SORCS1: variants seen among roughly 807,000 people sequenced by gnomAD.
SORCS1 encodes sortilin related VPS10 domain containing receptor 1.
In SORCS1, 60 loss-of-function variants were observed where a neutral mutation model predicts 146.1. That is an observed-to-expected ratio of 0.41 (90% CI 0.33 to 0.51). The LOEUF (loss-of-function observed/expected upper bound fraction) is 0.51, where lower values mean the gene tolerates loss of function less well. Among genes scored for constraint, SORCS1 ranks in the 20% least tolerant of loss-of-function variants. The pLI, the probability that SORCS1 is intolerant of heterozygous loss-of-function variation, is 0.21. For synonymous variants in SORCS1, 637 were observed against 584.0 expected, an observed-to-expected ratio of 1.09 and a Z score of -1.31; for missense variants, 1,352 against 1,487.6, an observed-to-expected ratio of 0.91 and a Z score of 1.50.
At chr10:106,947,497 G>C (rs778180492) in intron 2 of SORCS1, among the ~76,000 whole-genome samples, 1 of 152,178 alleles carries the variant, frequency 6.6e-6, no homozygotes, top group Non-Finnish European at 1.5e-5. Flanking sequence ...CTGGCTGTCA[G>C]ACCATTAAGC....
chr10:106,790,883 G>T (rs1451283847), intron 3 of SORCS1, among the ~76,000 whole-genome samples: 3 of 152,118 alleles, frequency 2.0e-5, no homozygotes. Context: ...TTTAGGTATT[G>T]TGTTCACATA....
intron 9 of SORCS1, 48 bp downstream of exon 9, chr10:106,699,166 C>A: frequency 6.6e-7 from 1 of 1,508,952 alleles, no homozygotes. Context: ...TTCCATCAGC[C>A]AGCTGGGCAC....
intron 2 of SORCS1, among the ~76,000 whole-genome samples, chr10:106,876,301 A>G (rs1174780874): frequency 1.3e-5 from 2 of 152,178 alleles, no homozygotes; most frequent in Non-Finnish European, 2.9e-5. Context: ...TGTAGTTAGA[A>G]GTTATGAACT....
intron 1 of SORCS1, among the ~76,000 whole-genome samples, chr10:107,055,905 T>A (rs1438320581): frequency 6.6e-6 from 1 of 152,186 alleles, no homozygotes; most frequent in African/African-American, 2.4e-5. Flanking sequence ...CATAACTACC[T>A]TTTTTCTTCT....
chr10:106,956,749 C>T (rs1414588805), intron 1 of SORCS1, among the ~76,000 whole-genome samples, 169 bp from the exon 2 acceptor site: 3 of 152,208 alleles, frequency 2.0e-5, no homozygotes, highest in Admixed American at 6.5e-5. Flanking sequence ...TGTCTTTCTG[C>T]CTTCCACTGA....
chr10:107,029,631 T>C (rs1035640867), intron 1 of SORCS1, among the ~76,000 whole-genome samples: 6 of 152,332 alleles, frequency 3.9e-5, no homozygotes, highest in Non-Finnish European at 7.3e-5. Flanking sequence ...ATTGAAACTT[T>C]ATTTTGGTAA....
chr10:106,885,382 C>G (rs1018924374), intron 2 of SORCS1, among the ~76,000 whole-genome samples: 3 of 152,118 alleles, frequency 2.0e-5, no homozygotes, highest in African/African-American at 7.2e-5. Context: ...TCTGGTTTCT[C>G]TCCTTTTTGG....
rs115241812 is a variant in SORCS1, at chr10:106,875,368, G to A, written c.627-45695C>T. Among the ~76,000 whole-genome samples the A allele has an allele frequency of 8.0e-3, 1,219 of 152,240 alleles. 21 individuals are homozygous for A. Among genetic ancestry groups the A allele is most frequent in the African/African-American group, 0.028 (1,167 of 41,532 alleles). On this transcript the variant is annotated intron_variant, in intron 2 of 25. Coordinates refer to ENST00000263054, the MANE Select transcript of SORCS1 (RefSeq NM_052918.5). ...TTTCTTTATCCATTCGTTGGTCAGT[G>A]GGCACTTATGTTGGTTCCATGTCTT...
Position 106,577,243 on chromosome 10 carries a change from A to C in SORCS1, c.*177T>G. The C allele has an allele frequency of 6.3e-7, 1 of 1,596,504 alleles. No homozygotes were observed. The highest frequency in any genetic ancestry group is 8.6e-7 in the Non-Finnish European group (1 of 1,169,516). On this transcript the variant is annotated 3_prime_UTR_variant, in exon 26 of 26. Transcript: ENST00000263054. ...CATTCAAACATTTACATAGGTAGGG[A>C]TTTCTTTTGTGCTTTGATTCTCAGC... is the stretch of plus-strand genomic sequence containing the variant.
At chr10:106,730,029 C>A (rs41291868) in intron 6 of SORCS1, 21 bp downstream of exon 6, 34,781 of 1,612,958 alleles carry the variant, frequency 0.022, 464 homozygotes, top group Non-Finnish European at 0.026. Flanking sequence ...ATGAGTATTG[C>A]GGCAAAGTTG....
In SORCS1 at chr10:106,829,579, G is replaced by T. The variant is rs143039834; in HGVS notation, c.721C>A (p.Arg241Ser). Reference sequence around the variant, plus strand: ...GCTGAATATACATTTCTTACCTTACGCTTGTTGGTAGGACACACATAGAGA... The same window carrying T: ...GCTGAATATACATTTCTTACCTTACTCTTGTTGGTAGGACACACATAGAGA... ...SYLYVCPTNK[R>S]KIMLLTDPEI... The change falls in exon 3 of 26, where the codon CGT (arginine) becomes AGT (serine). Residue 241 changes from arginine (R) to serine (S), a missense_variant. Arg to Ser is a moderately radical substitution (Grantham distance 110, BLOSUM62 -1). Around this residue, in one of 3 missense-constraint regions of SORCS1, gnomAD observed 490 missense variants for 489.1 expected, o/e 1.00. Transcript: ENST00000263054. The T allele has an allele frequency of 6.3e-7, 1 of 1,587,450 alleles. No homozygotes were observed.
intron 2 of SORCS1, among the ~76,000 whole-genome samples, chr10:106,882,593 G>C (rs1168856875): frequency 6.6e-6 from 1 of 152,056 alleles, no homozygotes; most frequent in Admixed American, 6.6e-5. Context: ...CCCTAGTCTA[G>C]ATACTTTAGG....
intron 2 of SORCS1, among the ~76,000 whole-genome samples, chr10:106,924,284 A>G (rs1952873588): frequency 6.6e-6 from 1 of 151,944 alleles, no homozygotes; most frequent in Non-Finnish European, 1.5e-5. Context: ...CCTTTTAATT[A>G]AAAACAATTT....
In SORCS1 at chr10:107,164,143, G is replaced by A. The variant is rs891661228; in HGVS notation, c.384C>T (p.Pro128=). The A allele has an allele frequency of 1.2e-6, 2 of 1,613,110 alleles. No individual in the cohort carries two copies. The highest frequency in any genetic ancestry group is 1.3e-5 in the African/African-American group (1 of 74,890). The change falls in exon 1 of 26, where the codon CCC becomes CCT. Residue 128 remains proline, a synonymous_variant. Coordinates refer to ENST00000263054, the MANE Select transcript of SORCS1 (RefSeq NM_052918.5). This position sits in a 1 kb window ranked among gnomAD's most constrained non-coding sequence, Gnocchi z 6.8. ...GCCCTCCATCTCTTAGCACTCCCCG[G>A]GGGCTCCGACTCGCGCCCTCTCCCC... The part of the protein sequence containing the change: ...AERGEGASRS[P]RGVLRDGGQQ...
chr10:106,884,096 T>C (rs1038179722), intron 2 of SORCS1, among the ~76,000 whole-genome samples: 2 of 152,330 alleles, frequency 1.3e-5, no homozygotes, highest in African/African-American at 4.8e-5. Context: ...AAACTTACTC[T>C]GTCTTCTCTT....
chr10:106,681,876 C>T lies in SORCS1; in HGVS notation c.1561-2142G>A, dbSNP rs548450585. Among the ~76,000 whole-genome samples, 14 of 152,228 alleles carry T rather than the reference C, an allele frequency of 9.2e-5. No individual in the cohort carries two copies. In the East Asian group the frequency reaches 2.5e-3, roughly 27 times the overall value. On this transcript the variant is annotated intron_variant, in intron 10 of 25. Coordinates refer to ENST00000263054, the MANE Select transcript of SORCS1 (RefSeq NM_052918.5). Reference sequence around the variant, plus strand: ...GGCATGGTGGCTCACGCCTGTAATCCCAGCACTTCGGGAGGCCAAGGTGGG... The same window carrying T: ...GGCATGGTGGCTCACGCCTGTAATCTCAGCACTTCGGGAGGCCAAGGTGGG...
At chr10:106,629,082 C>T in intron 19 of SORCS1, 120 bp downstream of exon 19, 1 of 843,906 alleles carries the variant, frequency 1.2e-6, no homozygotes, top group Non-Finnish European at 1.8e-6. Context: ...CATTTCTTCC[C>T]CATTCCCCTT....
At chr10:106,630,155 C>T (rs975286850) in intron 18 of SORCS1, among the ~76,000 whole-genome samples, 3 of 152,308 alleles carry the variant, frequency 2.0e-5, no homozygotes, top group South Asian at 2.1e-4. Flanking sequence ...AACCTGAATA[C>T]CCCTCGTTAT....
intron 1 of SORCS1, among the ~76,000 whole-genome samples, chr10:107,089,075 T>C (rs190776198): frequency 6.6e-6 from 1 of 152,320 alleles, no homozygotes; most frequent in East Asian, 1.9e-4. Context: ...ATAGGCTGGA[T>C]CGATCAACTG....
Sources: gnomAD v4.1 joint callset for allele counts (sites outside exome capture counted in the v4.1 genomes callset) on GRCh38, gnomAD v4.1.1 for gene constraint, gnomAD v4.1.1 regional missense constraint, Gnocchi (gnomAD v3.1) non-coding constraint, MANE v1.5 for transcripts, NCBI Gene and HGNC (gene_info 2026-07-23, HGNC 2026-07-21) for gene names.